EYS: variants seen among roughly 807,000 people sequenced by gnomAD.
EYS encodes EGF-like photoreceptor maintenance factor, also known as protein eyes shut homolog.
In EYS, 250 loss-of-function variants were observed where a neutral mutation model predicts 282.1. That is an observed-to-expected ratio of 0.89 (90% CI 0.80 to 0.98). The LOEUF (loss-of-function observed/expected upper bound fraction) is 0.98, where lower values mean the gene tolerates loss of function less well. Among genes scored for constraint, EYS ranks in the 50% least tolerant of loss-of-function variants. EYS has a pLI of 0.00. For missense variants in EYS, 4,016 were observed against 3,709.0 expected (o/e 1.08, Z -2.15); for synonymous variants, 1,355 against 1,282.9 (o/e 1.06, Z -1.20).
chr6:65,198,019 T>C (rs1254557642), intron 12 of EYS, among the ~76,000 whole-genome samples: 3 of 152,188 alleles, frequency 2.0e-5, no homozygotes, highest in Non-Finnish European at 4.4e-5. Flanking sequence ...GACTCTTTTG[T>C]AATGTCAGCT....
At chr6:65,166,414 C>T (rs1452567304) in intron 12 of EYS, among the ~76,000 whole-genome samples, 2 of 151,050 alleles carry the variant, frequency 1.3e-5, no homozygotes, top group Non-Finnish European at 3.0e-5. Flanking sequence ...ATTGTGAATC[C>T]AGTTATATTT....
At chr6:64,785,237 G>A (rs987267808) in intron 22 of EYS, among the ~76,000 whole-genome samples, 1 of 152,074 alleles carries the variant, frequency 6.6e-6, no homozygotes, top group Admixed American at 6.6e-5. Context: ...TCTAGCCCTA[G>A]GGATTTCTTT....
chr6:64,525,862 C>G (rs984579733), intron 26 of EYS, among the ~76,000 whole-genome samples: 1 of 151,594 alleles, frequency 6.6e-6, no homozygotes, highest in African/African-American at 2.4e-5. Context: ...AAATTGTACT[C>G]CTGGGCATTC....
At position 65,106,771 on chromosome 6, in the gene EYS, A is replaced by G. The variant is rs575596326; in HGVS notation, c.2024-49044T>C. Among the ~76,000 whole-genome samples the G allele has an allele frequency of 1.9e-4, 29 of 152,246 alleles. 1 individual carries two copies. In the South Asian group the frequency reaches 3.1e-3, roughly 16 times the overall value. On this transcript the variant is annotated intron_variant, in intron 12 of 42. Coordinates refer to ENST00000503581, the MANE Select transcript of EYS (RefSeq NM_001142800.2). The stretch of plus-strand genomic sequence containing the variant: ...TACTTTCAGTCTTTCAAATAGACCT[A>G]CATAGGTCTTTACATGTAAAATGCA...
At chr6:65,365,351 A>T (rs1369073221) in intron 8 of EYS, among the ~76,000 whole-genome samples, 1 of 151,518 alleles carries the variant, frequency 6.6e-6, no homozygotes, top group Non-Finnish European at 1.5e-5. Flanking sequence ...CCAGGTTTAG[A>T]TTGGAAATGA....
At chr6:64,600,712 C>G (rs531144980) in intron 24 of EYS, among the ~76,000 whole-genome samples, 2 of 151,988 alleles carry the variant, frequency 1.3e-5, no homozygotes, top group Non-Finnish European at 2.9e-5. Flanking sequence ...ACTGAATGGC[C>G]GGGGCTAATA....
At chr6:64,196,457 T>C (rs368591891) in intron 31 of EYS, among the ~76,000 whole-genome samples, 249 of 152,202 alleles carry the variant, frequency 1.6e-3, no homozygotes, top group African/African-American at 4.8e-3. Flanking sequence ...ATGTTTATTG[T>C]GGCACTATTC....
At chr6:65,127,299 A>G (rs969843444) in intron 12 of EYS, among the ~76,000 whole-genome samples, 1 of 152,176 alleles carries the variant, frequency 6.6e-6, no homozygotes, top group Non-Finnish European at 1.5e-5. Flanking sequence ...AATTTCTAGA[A>G]ATAATGTATG....
intron 15 of EYS, among the ~76,000 whole-genome samples, chr6:64,916,576 A>G (rs6927909): frequency 0.029 from 4,397 of 152,306 alleles, 202 homozygotes; most frequent in African/African-American, 0.1. Context: ...AGGAAAACAT[A>G]TTTGATGTGA....
intron 19 of EYS, among the ~76,000 whole-genome samples, chr6:64,880,626 C>T (rs186253683): frequency 1.3e-5 from 2 of 151,524 alleles, no homozygotes; most frequent in East Asian, 1.9e-4. Flanking sequence ...AAATTCACTT[C>T]CCCAACTCCT....
intron 36 of EYS, among the ~76,000 whole-genome samples, chr6:63,830,324 A>G (rs1771594285): frequency 6.6e-6 from 1 of 152,188 alleles, no homozygotes; most frequent in South Asian, 2.1e-4. Flanking sequence ...AACCTTGATA[A>G]AAGATTAGAC....
At chr6:64,435,611 G>T (rs1337808003) in intron 28 of EYS, among the ~76,000 whole-genome samples, 1 of 149,950 alleles carries the variant, frequency 6.7e-6, no homozygotes, top group Non-Finnish European at 1.5e-5. Flanking sequence ...TAACAAAAAA[G>T]CATTACATCT....
At chr6:65,457,388 T>C (rs1291068189) in intron 5 of EYS, among the ~76,000 whole-genome samples, 8 of 151,992 alleles carry the variant, frequency 5.3e-5, no homozygotes, top group African/African-American at 1.7e-4. Flanking sequence ...TGGTCTCAAA[T>C]TCCTGGCCTC....
chr6:65,451,297 A>T (rs1764388089), intron 5 of EYS, among the ~76,000 whole-genome samples: 1 of 152,088 alleles, frequency 6.6e-6, no homozygotes, highest in African/African-American at 2.4e-5. Context: ...GGGATAAATG[A>T]GAAAATACCA....
chr6:63,962,292 CA>C (rs1479778310), intron 35 of EYS, among the ~76,000 whole-genome samples: 1 of 152,100 alleles, frequency 6.6e-6, no homozygotes, highest in Non-Finnish European at 1.5e-5. Flanking sequence ...TTCTGCACAG[CA>C]AAAGGAACTA....
At chr6:65,432,522 T>G (rs760656838) in intron 5 of EYS, among the ~76,000 whole-genome samples, 4 of 152,076 alleles carry the variant, frequency 2.6e-5, no homozygotes, top group Non-Finnish European at 1.5e-5. Context: ...AATAATGTGG[T>G]AAGGAAATGC....
intron 12 of EYS, among the ~76,000 whole-genome samples, chr6:65,102,601 A>G (rs546776376): frequency 6.6e-6 from 1 of 151,240 alleles, no homozygotes; most frequent in Non-Finnish European, 1.5e-5. Context: ...TGATAAATAA[A>G]AGTATTTTTT....
chr6:64,021,214 G>A (rs1769174721), intron 33 of EYS, among the ~76,000 whole-genome samples: 1 of 151,522 alleles, frequency 6.6e-6, no homozygotes, highest in Non-Finnish European at 1.5e-5. Flanking sequence ...TTTTGCAAAA[G>A]CCATTCTTTT....
intron 12 of EYS, among the ~76,000 whole-genome samples, chr6:65,275,062 G>A (rs1186620169): frequency 6.6e-6 from 1 of 152,120 alleles, no homozygotes; most frequent in Admixed American, 6.6e-5. Flanking sequence ...TTTTAGGGGA[G>A]GTCCAGATTG....
Sources: allele counts gnomAD v4.1 joint callset (sites outside exome capture counted in the v4.1 genomes callset), GRCh38; gene constraint gnomAD v4.1.1; transcripts MANE v1.5; gene names NCBI Gene and HGNC (gene_info 2026-07-23, HGNC 2026-07-21).